MORC1: variants seen among roughly 807,000 people sequenced by gnomAD.
MORC1 encodes the protein MORC family CW-type zinc finger protein 1.
MORC1 carries 59 observed loss-of-function variants against 134.9 expected under a neutral mutation model. The ratio of observed to expected loss-of-function variants is 0.44; its 90% CI spans 0.35 to 0.54. The LOEUF (loss-of-function observed/expected upper bound fraction) is 0.54, where lower values mean the gene tolerates loss of function less well. Ranked by LOEUF, MORC1 falls within the 20% of genes least tolerant of loss-of-function variation. The probability of loss-of-function intolerance (pLI) is 0.00; values close to 1 mark genes in which losing one functional copy is unlikely to be tolerated. For missense variants in MORC1, 947 were observed against 1,134.5 expected, an observed-to-expected ratio of 0.83 and a Z score of 2.37; for synonymous variants, 395 against 391.7, an observed-to-expected ratio of 1.01 and a Z score of -0.10.
intron 21 of MORC1, among the ~76,000 whole-genome samples, chr3:108,999,978 C>T (rs561227169): frequency 6.6e-6 from 1 of 152,212 alleles, no homozygotes; most frequent in South Asian, 2.1e-4. Flanking sequence ...TCCTCCTAAA[C>T]ACCAAGGGCT....
At chr3:108,997,735 T>A (rs1948274355) in intron 21 of MORC1, among the ~76,000 whole-genome samples, 1 of 152,016 alleles carries the variant, frequency 6.6e-6, no homozygotes, top group South Asian at 2.1e-4. Flanking sequence ...GGGTTAAATA[T>A]GAATCTGGAA....
intron 16 of MORC1, among the ~76,000 whole-genome samples, chr3:109,030,775 G>C (rs1949223581): frequency 6.6e-6 from 1 of 152,118 alleles, no homozygotes; most frequent in African/African-American, 2.4e-5. Flanking sequence ...TCTTGTATTT[G>C]ATAGCGCAAG....
intron 8 of MORC1, among the ~76,000 whole-genome samples, chr3:109,091,446 A>AAATACATAAAT (rs1553762144): frequency 6.8e-6 from 1 of 146,942 alleles, no homozygotes; most frequent in Non-Finnish European, 1.5e-5. Flanking sequence ...TCCATCTAAA[A>AAATACATAAAT]AAATAAATAA....
chr3:109,057,345 G>A lies in MORC1; in HGVS notation c.1173C>T (p.Ser391=), dbSNP rs200644565. The A allele has an allele frequency of 8.7e-6, 14 of 1,607,966 alleles. No individual in the cohort carries two copies. The highest frequency in any genetic ancestry group is 1.2e-5 in the Non-Finnish European group (14 of 1,177,486). Residue 391 remains serine, a splice_region_variant and synonymous_variant, in exon 13 of 28, where the codon TCC becomes TCT. Transcript: ENST00000232603. Reference sequence around the variant, plus strand: ...TCTGAAAGCAAAAACATACTCACAAGGACTTCAGTTTCAACTGTGAGCCCA... The same window carrying A: ...TCTGAAAGCAAAAACATACTCACAAAGACTTCAGTTTCAACTGTGAGCCCA... The part of the protein sequence containing the change: ...EKVGSQLKLK[S]LLGAGVVGIV...
intron 12 of MORC1, among the ~76,000 whole-genome samples, chr3:109,058,540 A>G (rs1038478334): frequency 2.6e-5 from 4 of 152,096 alleles, no homozygotes; most frequent in Non-Finnish European, 4.4e-5. Flanking sequence ...TGCATCTATC[A>G]TTAAAGAACA....
intron 2 of MORC1, among the ~76,000 whole-genome samples, chr3:109,112,555 G>T (rs373664666): frequency 6.6e-6 from 1 of 152,186 alleles, no homozygotes; most frequent in Non-Finnish European, 1.5e-5. Flanking sequence ...GGTTGAGGCT[G>T]TCCACGGGGG....
intron 17 of MORC1, among the ~76,000 whole-genome samples, chr3:109,008,671 T>G (rs1948609408): frequency 8.1e-6 from 1 of 122,890 alleles, no homozygotes. Flanking sequence ...TAATGATACA[T>G]TGTATTTTCT....
chr3:108,979,662 A>G lies in MORC1; in HGVS notation c.2330T>C (p.Leu777Pro). The G allele has an allele frequency of 6.2e-7, 1 of 1,613,536 alleles. No individual in the cohort carries two copies. ...SSSLPSWKSL[L>P]NVPMEDVNLS... ...ATTCACATCTTCCATCGGCACATTGAGCAAGCTGAGGTTTGTCATTTCAAA... is the reference window on the plus strand; with the variant it reads ...ATTCACATCTTCCATCGGCACATTGGGCAAGCTGAGGTTTGTCATTTCAAA... Residue 777 changes from leucine to proline, a missense_variant, in exon 24 of 28, where the codon CTC becomes CCC. By Grantham distance (98) the Leu-to-Pro change is moderately conservative. Transcript: ENST00000232603.
rs929007502 is a variant in MORC1, at chr3:109,062,012, G to T, written c.942C>A (p.Asp314Glu). 6.2e-7 allele frequency: 1 copy of T among 1,614,036 alleles called. No individual in the cohort carries two copies. Among genetic ancestry groups the T allele is most frequent in the Non-Finnish European group, 8.5e-7 (1 of 1,179,964 alleles). Residue 314 changes from aspartate to glutamate, a missense_variant, in exon 11 of 28, where the codon GAC (aspartate) becomes GAA (glutamate). Asp to Glu is a conservative substitution (Grantham distance 45). Transcript: ENST00000232603. ...KEAQIKVNQC[D>E]RTSLSSAKDV... ...CCTTGGCAGAAGATAAAGAGGTTCT[G>T]TCACACTGGTTTACTTTGATTTGTG...
chr3:109,095,127 G>A, intron 6 of MORC1, 59 bp from the exon 7 acceptor site: 16 of 1,460,218 alleles, frequency 1.1e-5, no homozygotes, highest in Non-Finnish European at 1.4e-5. Context: ...TTATTCTTTT[G>A]TCTTATCTAT....
At chr3:109,007,789 C>A (rs1173520384) in intron 17 of MORC1, among the ~76,000 whole-genome samples, 1 of 152,174 alleles carries the variant, frequency 6.6e-6, no homozygotes, top group African/African-American at 2.4e-5. Context: ...CATATGACAA[C>A]ACATGTTTAG....
At chr3:108,977,906 C>G (rs1286209329) in intron 24 of MORC1, among the ~76,000 whole-genome samples, 1 of 152,098 alleles carries the variant, frequency 6.6e-6, no homozygotes, top group Non-Finnish European at 1.5e-5. Context: ...GAGATGGAGT[C>G]TTGCTCTGTC....
chr3:109,076,355 A>G (rs554313603), intron 8 of MORC1, among the ~76,000 whole-genome samples: 1 of 152,332 alleles, frequency 6.6e-6, no homozygotes, highest in East Asian at 1.9e-4. Flanking sequence ...GGGGAGAAAT[A>G]GGAACACTTT....
chr3:109,102,375 G>T (rs897104271), intron 4 of MORC1, among the ~76,000 whole-genome samples: 1 of 152,034 alleles, frequency 6.6e-6, no homozygotes, highest in African/African-American at 2.4e-5. Context: ...TTTTCAGCAG[G>T]AAAATGATAT....
In MORC1 at chr3:109,072,892, G is replaced by A. The variant is rs566097721; in HGVS notation, c.690-3135C>T. ...TCTCATTTTCTATGTAACTGGCTAC[G>A]ATAAGAAACTGAAGAAAGGAAGAGA... is the stretch of plus-strand genomic sequence containing the variant. On this transcript the variant is annotated intron_variant, in intron 8 of 27. Coordinates refer to ENST00000232603, the MANE Select transcript of MORC1 (RefSeq NM_014429.4). 2.6e-5 allele frequency among the ~76,000 whole-genome samples: 4 copies of A among 151,024 alleles called. No individual in the cohort carries two copies. In the South Asian group the frequency reaches 6.3e-4, roughly 24 times the overall value.
intron 26 of MORC1, among the ~76,000 whole-genome samples, chr3:108,964,389 A>G (rs1328346216): frequency 6.6e-6 from 1 of 152,204 alleles, no homozygotes; most frequent in African/African-American, 2.4e-5. Flanking sequence ...TTTATGTAAT[A>G]AGGAGATTTC....
rs1948513095 is a variant in MORC1, at chr3:109,005,324, A to G, written c.1768-9T>C. The G allele has an allele frequency of 1.1e-5, 17 of 1,575,634 alleles. No homozygotes were observed. Among genetic ancestry groups the G allele is most frequent in the Non-Finnish European group, 1.5e-5 (17 of 1,167,402 alleles). ...TGGGTTTTGGTATTTTCCTTAAATA[A>G]CAAAGAACATGTTTTTATTTTTTGG... is the stretch of plus-strand genomic sequence containing the variant. On this transcript the variant is annotated splice_polypyrimidine_tract_variant and intron_variant, in intron 18 of 27. Coordinates refer to ENST00000232603, the MANE Select transcript of MORC1 (RefSeq NM_014429.4).
chr3:108,993,294 T>C (rs928398650), intron 21 of MORC1, among the ~76,000 whole-genome samples: 5 of 152,240 alleles, frequency 3.3e-5, no homozygotes, highest in African/African-American at 1.2e-4. Context: ...TGGCTCGTGG[T>C]TGCTGGTAGT....
At chr3:109,094,054 C>T (rs1273377619) in intron 7 of MORC1, among the ~76,000 whole-genome samples, 1 of 152,118 alleles carries the variant, frequency 6.6e-6, no homozygotes, top group African/African-American at 2.4e-5. Context: ...GTCTCTGTTG[C>T]AACTATTCAC....
Sources: gnomAD v4.1 joint callset for allele counts (sites outside exome capture counted in the v4.1 genomes callset) on GRCh38, gnomAD v4.1.1 for gene constraint, MANE v1.5 for transcripts, NCBI Gene and HGNC (gene_info 2026-07-23, HGNC 2026-07-21) for gene names.